FUT9: variants seen among roughly 807,000 people sequenced by gnomAD.
FUT9 encodes the protein fucosyltransferase 9, also known as 4-galactosyl-N-acetylglucosaminide 3-alpha-L-fucosyltransferase 9.
A neutral mutation model predicts 29.7 loss-of-function variants in FUT9; 15 were observed. The ratio of observed to expected loss-of-function variants is 0.51; its 90% CI spans 0.34 to 0.78. The LOEUF (loss-of-function observed/expected upper bound fraction) is 0.78, where lower values mean the gene tolerates loss of function less well. Among genes scored for constraint, FUT9 ranks in the 30% least tolerant of loss-of-function variants. The pLI is 0.01. For missense variants in FUT9, 319 were observed against 425.4 expected (o/e 0.75, Z 2.20); for synonymous variants, 169 against 153.7 (o/e 1.10, Z -0.74).
intron 1 of FUT9, among the ~76,000 whole-genome samples, chr6:96,061,299 C>CTTTTTTTTTTTTTTTTTTTTT: frequency 6.8e-6 from 1 of 146,910 alleles, no homozygotes; most frequent in African/African-American, 2.5e-5. Context: ...TCTCAAGATA[C>CTTTTTTTTTTTTTTTTTTTTT]TTCTTAGGCT....
intron 2 of FUT9, among the ~76,000 whole-genome samples, chr6:96,166,685 G>A (rs1282055555): frequency 6.6e-6 from 1 of 152,080 alleles, no homozygotes; most frequent in African/African-American, 2.4e-5. Context: ...GCACTACATA[G>A]TTGCCCCTCA....
chr6:96,147,074 A>G (rs1223235418), intron 2 of FUT9, among the ~76,000 whole-genome samples: 2 of 152,134 alleles, frequency 1.3e-5, no homozygotes, highest in African/African-American at 4.8e-5. Context: ...TCTCACATAC[A>G]GGATAAAGCA....
Position 96,144,865 on chromosome 6 carries a change from C to A in FUT9, c.-9+30738C>A, listed in dbSNP as rs565448083. 2.0e-5 allele frequency among the ~76,000 whole-genome samples: 3 copies of A among 152,070 alleles called. No individual in the cohort carries two copies. In the South Asian group the frequency reaches 6.2e-4, roughly 32 times the overall value. On this transcript the variant is annotated intron_variant, in intron 2 of 2. Coordinates refer to ENST00000302103, the MANE Select transcript of FUT9 (RefSeq NM_006581.4). ...GAGGTATTTTATTAACCACATAAGC[C>A]CATTTTACTGAAAAGAAAACAAATT...
intron 2 of FUT9, among the ~76,000 whole-genome samples, chr6:96,194,803 C>A (rs1232210772): frequency 1.3e-5 from 2 of 151,902 alleles, no homozygotes; most frequent in Non-Finnish European, 2.9e-5. Context: ...CTGCTGGCCT[C>A]AAAGGGTGCT....
At chr6:96,026,683 A>G (rs149621040) in intron 1 of FUT9, among the ~76,000 whole-genome samples, 1,750 of 151,612 alleles carry the variant, frequency 0.012, 20 homozygotes, top group Middle Eastern at 0.027. Flanking sequence ...AATATGTTTA[A>G]TTTTTTCAAG....
At chr6:96,118,275 A>C (rs1771950448) in intron 2 of FUT9, among the ~76,000 whole-genome samples, 1 of 152,024 alleles carries the variant, frequency 6.6e-6, no homozygotes, top group Admixed American at 6.6e-5. Context: ...GTTATATTGG[A>C]CACACATATG....
intron 2 of FUT9, among the ~76,000 whole-genome samples, chr6:96,160,729 T>C (rs1021393891): frequency 6.6e-6 from 1 of 152,146 alleles, no homozygotes; most frequent in Non-Finnish European, 1.5e-5. Context: ...GCTTTGGTGA[T>C]AACATGGAAA....
chr6:96,158,710 T>C (rs1173591496), intron 2 of FUT9, among the ~76,000 whole-genome samples: 1 of 152,078 alleles, frequency 6.6e-6, no homozygotes, highest in Admixed American at 6.6e-5. Flanking sequence ...TTCCATAATA[T>C]TAGATTTGTT....
intron 1 of FUT9, among the ~76,000 whole-genome samples, chr6:96,088,240 A>G (rs1204854337): frequency 6.6e-6 from 1 of 152,040 alleles, no homozygotes; most frequent in African/African-American, 2.4e-5. Flanking sequence ...AAAGTATAAT[A>G]AAACATAAAA....
At chr6:96,026,192 G>C (rs1169655532) in intron 1 of FUT9, among the ~76,000 whole-genome samples, 1 of 151,776 alleles carries the variant, frequency 6.6e-6, no homozygotes, top group East Asian at 1.9e-4. Flanking sequence ...TTGTCTCCCA[G>C]TAGTGACAAA....
At chr6:96,190,140 G>T (rs573886688) in intron 2 of FUT9, among the ~76,000 whole-genome samples, 2 of 152,044 alleles carry the variant, frequency 1.3e-5, no homozygotes, top group African/African-American at 4.8e-5. Flanking sequence ...TGTCTATAAA[G>T]GATTTTATTT....
At chr6:96,169,958 A>G (rs1430150942) in intron 2 of FUT9, among the ~76,000 whole-genome samples, 1 of 152,168 alleles carries the variant, frequency 6.6e-6, no homozygotes, top group Non-Finnish European at 1.5e-5. Context: ...TTTATTTCAC[A>G]TGTAATTATA....
chr6:96,151,128 C>T (rs950096354), intron 2 of FUT9, among the ~76,000 whole-genome samples: 1 of 151,990 alleles, frequency 6.6e-6, no homozygotes, highest in Non-Finnish European at 1.5e-5. Flanking sequence ...AATGTTTTAA[C>T]CTGAAGTCAT....
chr6:96,127,248 G>A (rs1772150588), intron 2 of FUT9, among the ~76,000 whole-genome samples: 1 of 152,056 alleles, frequency 6.6e-6, no homozygotes, highest in Non-Finnish European at 1.5e-5. Flanking sequence ...GTGTACATGT[G>A]TACTCAGTGT....
At chr6:96,137,842 T>C (rs536243433) in intron 2 of FUT9, among the ~76,000 whole-genome samples, 10 of 152,230 alleles carry the variant, frequency 6.6e-5, no homozygotes, top group Non-Finnish European at 1.3e-4. Flanking sequence ...ATTTGGAACA[T>C]ACAACAACTT....
chr6:96,041,713 T>C (rs1380176037), intron 1 of FUT9, among the ~76,000 whole-genome samples: 1 of 152,222 alleles, frequency 6.6e-6, no homozygotes, highest in Non-Finnish European at 1.5e-5. Context: ...AGTGTTTTTA[T>C]TTTCCCTTGT....
At chr6:96,149,296 CATG>C (rs1772633918) in intron 2 of FUT9, among the ~76,000 whole-genome samples, 1 of 151,106 alleles carries the variant, frequency 6.6e-6, no homozygotes, top group South Asian at 2.1e-4. Flanking sequence ...AAATGAAGAA[CATG>C]ATTACTAATT....
At chr6:96,160,941 T>C (rs1176974930) in intron 2 of FUT9, among the ~76,000 whole-genome samples, 2 of 152,122 alleles carry the variant, frequency 1.3e-5, no homozygotes, top group Admixed American at 6.5e-5. Flanking sequence ...AATATTCTGT[T>C]TTTAAACTAT....
intron 1 of FUT9, chr6:96,037,204 A>G (rs1039896607): frequency 6.6e-6 from 1 of 151,994 alleles, no homozygotes; most frequent in African/African-American, 2.4e-5. Flanking sequence ...ATGAAGACCT[A>G]ATTAAAATAA....
Sources: allele counts gnomAD v4.1 joint callset (sites outside exome capture counted in the v4.1 genomes callset), GRCh38; gene constraint gnomAD v4.1.1; transcripts MANE v1.5; gene names NCBI Gene and HGNC (gene_info 2026-07-23, HGNC 2026-07-21).